DGKZ: variants seen among roughly 807,000 people sequenced by gnomAD.
DGKZ encodes diacylglycerol kinase zeta.
In DGKZ, 45 loss-of-function variants were observed where a neutral mutation model predicts 142.5. The ratio of observed to expected loss-of-function variants is 0.32; its 90% CI spans 0.25 to 0.40. The LOEUF is 0.40. Among genes scored for constraint, DGKZ ranks in the 10% least tolerant of loss-of-function variants. DGKZ has a pLI of 1.00. For synonymous variants in DGKZ, 442 were observed against 527.0 expected (o/e 0.84, Z 2.21); for missense variants, 755 against 1,306.5 (o/e 0.58, Z 6.51).
intron 1 of DGKZ, chr11:46,364,299 T>C: frequency 8.5e-7 from 1 of 1,177,194 alleles, no homozygotes; most frequent in East Asian, 5.7e-5. Flanking sequence ...TACCTATTCC[T>C]TGGGGTTGCA....
intron 1 of DGKZ, chr11:46,364,912 CA>C (rs1368972087): frequency 1.0e-6 from 1 of 985,332 alleles, no homozygotes; most frequent in African/African-American, 1.7e-5. Flanking sequence ...GGTTAGGATG[CA>C]TCCCCCACCA....
At chr11:46,334,578 G>C (rs1939919646) in intron 1 of DGKZ, among the ~76,000 whole-genome samples, 1 of 152,192 alleles carries the variant, frequency 6.6e-6, no homozygotes, top group African/African-American at 2.4e-5. Flanking sequence ...ATCACTTGGG[G>C]GAGGAAGGGA....
At chr11:46,369,882 C>G in intron 5 of DGKZ, 59 bp from the exon 6 acceptor site, 1 of 1,584,094 alleles carries the variant, frequency 6.3e-7, no homozygotes. Context: ...GTGGGCAGTC[C>G]TCAGGACTGT....
chr11:46,364,869 A>C (rs2136453528), intron 1 of DGKZ: 2 of 985,438 alleles, frequency 2.0e-6, no homozygotes, highest in South Asian at 4.7e-5. Context: ...GCACTGTCCC[A>C]GGGCTGTGAC....
Position 46,361,776 on chromosome 11 carries a change from G to A in DGKZ, c.162-5515G>A, listed in dbSNP as rs752428348. 1.1e-3 allele frequency: 786 copies of A among 729,348 alleles called. 3 individuals are homozygous for A. Among genetic ancestry groups the A allele is most frequent in the Non-Finnish European group, 1.3e-3 (747 of 596,318 alleles). 45.2% of individuals were successfully genotyped at this position (729,348 alleles called of 1,614,324 possible). A position where few individuals can be genotyped will look rare whatever the true frequency, so the allele number is the denominator to read the frequency against. ...TCTGTATCTGGCTGGGTGGGTGCGG[G>A]GAGGGTTGGATCCGGGCGGACCCGG... On this transcript the variant is annotated intron_variant, in intron 1 of 30. Coordinates refer to ENST00000527911, the Ensembl canonical transcript of DGKZ.
chr11:46,378,164 G>A (rs146368494), intron 25 of DGKZ, 34 bp from the exon 26 acceptor site: 56 of 1,601,490 alleles, frequency 3.5e-5, no homozygotes, highest in Admixed American at 2.7e-4. Context: ...GGCCTGTGCC[G>A]TAGCCGGTCA....
At position 46,367,669 on chromosome 11, in the gene DGKZ, G is replaced by A. The variant is rs750059747; in HGVS notation, c.288G>A (p.Gly96=). 1.9e-6 allele frequency: 3 copies of A among 1,604,362 alleles called. No individual in the cohort carries two copies. The Admixed American group carries it at 5.0e-5, about 27-fold the overall frequency. The change falls in exon 3 of 31, where the codon GGG becomes GGA. Residue 96 remains glycine (G), a synonymous_variant. Transcript: ENST00000527911. The surrounding 1 kb of genome is among the most constrained non-coding windows in gnomAD (Gnocchi z 4.1). Reference sequence around the variant, plus strand: ...GTGGCTAGGAGTCAGCGACATATGGGGAGCACATCTGGTTCGAGACCAACG... The same window carrying A: ...GTGGCTAGGAGTCAGCGACATATGGAGAGCACATCTGGTTCGAGACCAACG...
intron 1 of DGKZ, among the ~76,000 whole-genome samples, chr11:46,351,122 T>C (rs1941329646): frequency 6.6e-6 from 1 of 151,898 alleles, no homozygotes; most frequent in South Asian, 2.1e-4. Flanking sequence ...AAGTGGACTC[T>C]CTCTCCTCCT....
In DGKZ at chr11:46,375,892, G is replaced by A. The variant is rs781425439; in HGVS notation, c.1952G>A (p.Arg651His). Reference sequence around the variant, plus strand: ...GAGCAGTTGCGCATCCAGGTGAGTCGCGTCAGCATGCACGACTATGAGGCC... The same window carrying A: ...GAGCAGTTGCGCATCCAGGTGAGTCACGTCAGCATGCACGACTATGAGGCC... The change falls in exon 21 of 31, where the codon CGC becomes CAC. Residue 651 changes from arginine (R) to histidine (H), a missense_variant. By Grantham distance (29) the Arg-to-His change is conservative. Around this residue, in one of 8 missense-constraint regions of DGKZ, gnomAD observed 114 missense variants for 180.9 expected, o/e 0.63. Transcript: ENST00000527911. 6.8e-5 allele frequency: 107 copies of A among 1,584,814 alleles called. No homozygotes were observed. In the East Asian group the frequency reaches 1.7e-3, roughly 25 times the overall value.
chr11:46,368,659 ACAGGCTGCTTTCCC>A (rs1943596885), intron 4 of DGKZ: 1 of 199,060 alleles, frequency 5.0e-6, no homozygotes, highest in Non-Finnish European at 1.1e-5. Flanking sequence ...GCAGGCTCAC[ACAGGCTGCTTTCCC>A]CAGCCTCTGA....
chr11:46,366,438 T>C, intron 1 of DGKZ: 1 of 1,548,982 alleles, frequency 6.5e-7, no homozygotes, highest in Non-Finnish European at 8.7e-7. Flanking sequence ...GGCTGCCTCC[T>C]GAGTTGCGGG....
At chr11:46,378,390 G>GT (rs1288696478) in intron 26 of DGKZ, 67 bp from the exon 27 acceptor site, 1 of 1,556,808 alleles carries the variant, frequency 6.4e-7, no homozygotes. Context: ...GCACAGTCCT[G>GT]TCCACTGAGG....
chr11:46,378,470 T>G lies in DGKZ; in HGVS notation c.2388T>G (p.Ile796Met), dbSNP rs1176491508. The stretch of plus-strand genomic sequence containing the variant: ...TATTCCGTGCAGGTGAAGAGCTGAT[T>G]GAGGCTGCCAAGAGGAACGACTTCT... The change falls in exon 27 of 31, where the codon ATT becomes ATG. Residue 796 changes from isoleucine to methionine, a missense_variant. Coordinates refer to ENST00000527911, the Ensembl canonical transcript of DGKZ. 1.9e-6 allele frequency: 3 copies of G among 1,606,506 alleles called. No individual in the cohort carries two copies. The South Asian group carries it at 3.3e-5, about 18-fold the overall frequency.
At chr11:46,339,915 A>G (rs1940194071) in intron 1 of DGKZ, among the ~76,000 whole-genome samples, 1 of 152,206 alleles carries the variant, frequency 6.6e-6, no homozygotes, top group Non-Finnish European at 1.5e-5. Flanking sequence ...AGGGTGGGGA[A>G]GGAACTGGGA....
intron 1 of DGKZ, chr11:46,364,529 A>G (rs1943045463): frequency 1.0e-6 from 1 of 985,408 alleles, no homozygotes; most frequent in African/African-American, 1.7e-5. Context: ...CCTCCCTGTC[A>G]TCTGAGGCAG....
chr11:46,347,462 C>G (rs1212949508), upstream of DGKZ: 2 of 982,072 alleles, frequency 2.0e-6, no homozygotes, highest in Admixed American at 1.3e-4. This position sits in a 1 kb window ranked among gnomAD's most constrained non-coding sequence, Gnocchi z 6.4. Flanking sequence ...CCGCGGCTGG[C>G]GGCACTTCCT....
At chr11:46,357,875 G>A (rs953018947) in intron 1 of DGKZ, among the ~76,000 whole-genome samples, 2 of 152,196 alleles carry the variant, frequency 1.3e-5, no homozygotes, top group Admixed American at 6.5e-5. Context: ...TGCCAGGTGC[G>A]GCGGCACAGC....
chr11:46,363,052 G>A (rs528643448), intron 1 of DGKZ, among the ~76,000 whole-genome samples: 229 of 152,338 alleles, frequency 1.5e-3, no homozygotes, highest in African/African-American at 5.1e-3. Flanking sequence ...TGGTGTTGAA[G>A]CCCTCAGGGT....
At chr11:46,370,032 A>G (rs757517605) in intron 6 of DGKZ, 23 bp downstream of exon 6, 1 of 1,613,298 alleles carries the variant, frequency 6.2e-7, no homozygotes, top group South Asian at 1.1e-5. Context: ...GCCCGAGGAC[A>G]TCGCCACCTG....
Sources: allele counts gnomAD v4.1 joint callset (sites outside exome capture counted in the v4.1 genomes callset), GRCh38; gene constraint gnomAD v4.1.1; regional missense constraint gnomAD v4.1.1; non-coding constraint Gnocchi (gnomAD v3.1); transcripts MANE v1.5; gene names NCBI Gene and HGNC (gene_info 2026-07-23, HGNC 2026-07-21).